Variants in INO80 observed in about 807,000 individuals in gnomAD.
The protein encoded by INO80 is INO80 complex ATPase subunit.
A neutral mutation model predicts 203.4 loss-of-function variants in INO80; 20 were observed. That is an observed-to-expected ratio of 0.10 (90% CI 0.07 to 0.14). The LOEUF is 0.14. INO80 is among the 10% of genes least tolerant of loss of function. The probability of loss-of-function intolerance (pLI) is 1.00; values close to 1 mark genes in which losing one functional copy is unlikely to be tolerated. For synonymous variants in INO80, 726 were observed against 685.2 expected, an observed-to-expected ratio of 1.06 and a Z score of -0.93; for missense variants, 1,419 against 1,914.4, an observed-to-expected ratio of 0.74 and a Z score of 4.83.
intron 14 of INO80, among the ~76,000 whole-genome samples, chr15:41,060,489 G>C (rs960745851): frequency 6.6e-6 from 1 of 152,060 alleles, no homozygotes; most frequent in African/African-American, 2.4e-5. Flanking sequence ...GGGAGGCAGA[G>C]GTTGCAGTGA....
At chr15:41,007,750 T>C (rs1363858402) in intron 27 of INO80, among the ~76,000 whole-genome samples, 2 of 122,334 alleles carry the variant, frequency 1.6e-5, no homozygotes, top group Admixed American at 2.0e-4. Flanking sequence ...TAGAGTCTAT[T>C]TCAGTAAATA....
chr15:41,049,209 C>T (rs2044820216), intron 21 of INO80, 78 bp downstream of exon 21: 4 of 1,221,686 alleles, frequency 3.3e-6, no homozygotes, highest in Admixed American at 4.5e-5. Context: ...CATATTCTCT[C>T]CACTAAATTT....
rs776185177 is a variant in INO80, at chr15:40,999,205, A to C, written c.3498-1604T>G. 6 of 152,328 alleles carry C rather than the reference A, an allele frequency of 3.9e-5. No individual in the cohort carries two copies. In the East Asian group the frequency reaches 1.2e-3, roughly 29 times the overall value. 9.4% of individuals were successfully genotyped at this position (152,328 alleles called of 1,614,324 possible). On this transcript the variant is annotated intron_variant, in intron 28 of 35. Coordinates refer to ENST00000648947, the MANE Select transcript of INO80 (RefSeq NM_017553.3). ...TAATTTTATTTTGTGGATTCCAGTA[A>C]GGAAAACAAAAAACAAAAAACACCA... is the stretch of plus-strand genomic sequence containing the variant.
chr15:41,034,080 C>T (rs1376968082), intron 24 of INO80, among the ~76,000 whole-genome samples: 1 of 151,888 alleles, frequency 6.6e-6, no homozygotes, highest in Non-Finnish European at 1.5e-5. Context: ...AACAAAAAAA[C>T]CCAAAACTTT....
intron 1 of INO80, among the ~76,000 whole-genome samples, chr15:41,108,125 G>A (rs567984667): frequency 5.3e-5 from 8 of 152,210 alleles, no homozygotes; most frequent in East Asian, 3.9e-4. Flanking sequence ...TTTACTCTTC[G>A]TGCTGTAAAG....
rs187002283 is a variant in INO80, at chr15:41,044,856, A to T, written c.2907+48T>A. ...TATTATTTTTACTTATTCAAGGAAAAGGAAAGAAGATACTAAGTAGGTAAT... is the reference window on the plus strand; with the variant it reads ...TATTATTTTTACTTATTCAAGGAAATGGAAAGAAGATACTAAGTAGGTAAT... On this transcript the variant is annotated intron_variant, in intron 24 of 35. Transcript: ENST00000648947. 4.6e-5 allele frequency: 70 copies of T among 1,510,180 alleles called. No individual in the cohort carries two copies. The African/African-American group carries it at 9.7e-4, about 21-fold the overall frequency. The allele number at this position is 1,510,180 out of a possible 1,614,324, so 93.5% of individuals were successfully genotyped here. A position where few individuals can be genotyped will look rare whatever the true frequency, so the allele number is the denominator to read the frequency against.
chr15:40,991,976 CTG>C (rs1384383214), intron 29 of INO80, among the ~76,000 whole-genome samples: 1 of 152,164 alleles, frequency 6.6e-6, no homozygotes, highest in Non-Finnish European at 1.5e-5. Context: ...CGGGGTTTCA[CTG>C]TGTTAGCCAG....
In INO80 at chr15:41,016,121, G is replaced by A. The variant is rs554366188; in HGVS notation, c.3369C>T (p.Tyr1123=). The A allele has an allele frequency of 1.2e-6, 2 of 1,613,442 alleles. No homozygotes were observed. The highest frequency in any genetic ancestry group is 1.1e-5 in the South Asian group (1 of 91,054). ...GGTCTATCATCCTGGTCATCTGGGA[G>A]TAGATAAGGACCCTATGCCCTTGAG... is the stretch of plus-strand genomic sequence containing the variant. ...LKSQGHRVLI[Y]SQMTRMIDLL... is the part of the protein sequence containing the mutation. The change falls in exon 27 of 36, where the codon TAC becomes TAT. Residue 1123 remains tyrosine, a synonymous_variant. Transcript: ENST00000648947.
intron 13 of INO80, among the ~76,000 whole-genome samples, chr15:41,069,986 T>C (rs542447457): frequency 3.3e-5 from 5 of 152,358 alleles, no homozygotes; most frequent in Admixed American, 6.5e-5. Context: ...AGTTATTTAA[T>C]AGGTATAGAG....
At chr15:41,023,021 A>AAC in intron 25 of INO80, among the ~76,000 whole-genome samples, 1 of 151,790 alleles carries the variant, frequency 6.6e-6, no homozygotes. Flanking sequence ...GAATGGCTTG[A>AAC]ACCTAGGAGG....
chr15:41,068,353 G>A (rs774781878), intron 14 of INO80, among the ~76,000 whole-genome samples: 9 of 152,158 alleles, frequency 5.9e-5, no homozygotes, highest in Middle Eastern at 3.4e-3. Context: ...TCGGGAGTTC[G>A]AGACCAGCCT....
In INO80 at chr15:40,979,889, A is replaced by C; in HGVS notation, c.*334T>G. ...GGACGTGTCAGAGCCGAAGAGTGGAATCGGGATGGAAACAGTATGCCTGAG... is the reference window on the plus strand; with the variant it reads ...GGACGTGTCAGAGCCGAAGAGTGGACTCGGGATGGAAACAGTATGCCTGAG... On this transcript the variant is annotated 3_prime_UTR_variant, in exon 36 of 36. Coordinates refer to ENST00000648947, the MANE Select transcript of INO80 (RefSeq NM_017553.3). The C allele has an allele frequency of 6.1e-6, 2 of 327,732 alleles. No homozygotes were observed. Among genetic ancestry groups the C allele is most frequent in the Admixed American group, 4.3e-5 (1 of 22,990 alleles). The allele number at this position is 327,732 out of a possible 1,614,324, so 20.3% of individuals were successfully genotyped here.
chr15:41,100,579 T>A (rs1356990735), intron 1 of INO80, among the ~76,000 whole-genome samples: 1 of 152,132 alleles, frequency 6.6e-6, no homozygotes. Flanking sequence ...ATGGCTGAAA[T>A]GACAGCTGCA....
intron 25 of INO80, 119 bp downstream of exon 25, chr15:41,027,475 TTA>T (rs1374469402): frequency 1.7e-5 from 14 of 838,636 alleles, no homozygotes; most frequent in Admixed American, 6.6e-5. Context: ...ATACTAGAAT[TTA>T]TATGTTTCTT....
rs190490302 is a variant in INO80, at chr15:41,047,154, G to A, written c.2735+254C>T. On this transcript the variant is annotated intron_variant, in intron 23 of 35. Transcript: ENST00000648947. ...GGCTACTTTTGTATTTTTTAGAGAT[G>A]GGGTTTCTCCATGTTGGTCAGGCTG... Among the ~76,000 whole-genome samples, 3 of 151,760 alleles carry A rather than the reference G, an allele frequency of 2.0e-5. No individual in the cohort carries two copies. The East Asian group carries it at 5.8e-4, about 29-fold the overall frequency.
intron 3 of INO80, 34 bp from the exon 4 acceptor site, chr15:41,095,702 A>C (rs1415835216): frequency 6.2e-7 from 1 of 1,608,320 alleles, no homozygotes; most frequent in South Asian, 1.1e-5. Flanking sequence ...AAAAAAATTA[A>C]AGGATGACTG....
chr15:41,056,136 G>A (rs1435270106), intron 17 of INO80, among the ~76,000 whole-genome samples: 3 of 151,724 alleles, frequency 2.0e-5, no homozygotes, highest in African/African-American at 4.8e-5. Flanking sequence ...TGTAGCGTCC[G>A]GGTTTCACCA....
At chr15:40,987,469 G>C (rs149260556) in intron 30 of INO80, among the ~76,000 whole-genome samples, 2 of 152,282 alleles carry the variant, frequency 1.3e-5, no homozygotes, top group African/African-American at 4.8e-5. Flanking sequence ...AACAAATTTG[G>C]CATACAATTC....
chr15:41,034,978 C>T (rs543636296), intron 24 of INO80, among the ~76,000 whole-genome samples: 1 of 152,184 alleles, frequency 6.6e-6, no homozygotes, highest in African/African-American at 2.4e-5. Flanking sequence ...AAAAAAAATG[C>T]TCACAAGGAG....
Sources: gnomAD v4.1 joint callset for allele counts (sites outside exome capture counted in the v4.1 genomes callset) on GRCh38, gnomAD v4.1.1 for gene constraint, MANE v1.5 for transcripts, NCBI Gene and HGNC (gene_info 2026-07-23, HGNC 2026-07-21) for gene names.